APOOL: variants seen among roughly 807,000 people sequenced by gnomAD.
The protein encoded by APOOL is MICOS complex subunit MIC27.
In APOOL, 12 loss-of-function variants were observed where a neutral mutation model predicts 23.1. The ratio of observed to expected loss-of-function variants is 0.52; its 90% CI spans 0.33 to 0.84. APOOL has a LOEUF of 0.84. Among genes scored for constraint, APOOL ranks in the 40% least tolerant of loss-of-function variants. The probability of loss-of-function intolerance (pLI) is 0.02; values close to 1 mark genes in which losing one functional copy is unlikely to be tolerated. For synonymous variants in APOOL, 77 were observed against 69.9 expected (o/e 1.10, Z -0.51); for missense variants, 212 against 199.6 (o/e 1.06, Z -0.37).
intron 5 of APOOL, among the ~76,000 whole-genome samples, chrX:85,058,471 T>C (rs779615138): frequency 8.9e-6 from 1 of 111,892 alleles, no homozygotes; most frequent in East Asian, 2.8e-4. Flanking sequence ...ATCCAGTCTA[T>C]CATTGATGGA....
intron 8 of APOOL, among the ~76,000 whole-genome samples, chrX:85,076,754 G>T (rs1267990023): frequency 4.6e-5 from 5 of 109,005 alleles, no homozygotes; most frequent in Admixed American, 2.0e-4. Flanking sequence ...ATATGTTGTG[G>T]CTCTGAATAT....
chrX:85,067,783 T>G lies in APOOL; in HGVS notation c.486+565T>G, dbSNP rs934066441. On this transcript the variant is annotated intron_variant, in intron 6 of 8. Transcript: ENST00000373173. Reference sequence around the variant, plus strand: ...TACAAATCCAGATTCTCTTAATGATTTGAACAGTTTTTTTCAGTGTTTTAT... The same window carrying G: ...TACAAATCCAGATTCTCTTAATGATGTGAACAGTTTTTTTCAGTGTTTTAT... Among the ~76,000 whole-genome samples, 4 of 111,720 alleles carry G rather than the reference T, an allele frequency of 3.6e-5. No homozygotes were observed. In the Admixed American group the frequency reaches 3.8e-4, roughly 11 times the overall value.
At chrX:85,005,394 A>ACGC (rs1466980005) in intron 1 of APOOL, among the ~76,000 whole-genome samples, 3 of 2,599 alleles carry the variant, frequency 1.2e-3, no homozygotes, top group African/African-American at 3.5e-3. Context: ...CTCGTGATTC[A>ACGC]CCCCCCCCCC....
chrX:85,019,023 G>A (rs1156504389), intron 1 of APOOL, among the ~76,000 whole-genome samples: 1 of 110,822 alleles, frequency 9.0e-6, no homozygotes, highest in Non-Finnish European at 1.9e-5. Context: ...GTGGTCTTTG[G>A]TCGTGGTGGC....
In APOOL at chrX:85,036,526, C is replaced by T. The variant is rs977408557; in HGVS notation, c.16-9920C>T. On this transcript the variant is annotated intron_variant, in intron 1 of 8. Coordinates refer to ENST00000373173, the MANE Select transcript of APOOL (RefSeq NM_198450.6). The stretch of plus-strand genomic sequence containing the variant: ...ATATTGACTAGGCATGAAAAGAGTG[C>T]ACATCCTTGTCTTATTATAGTTGTC... Among the ~76,000 whole-genome samples, 5 of 111,002 alleles carry T rather than the reference C, an allele frequency of 4.5e-5. No homozygotes were observed. The East Asian group carries it at 1.4e-3, about 31-fold the overall frequency.
chrX:85,051,596 A>G lies in APOOL; in HGVS notation c.240+88A>G. 2.8e-6 allele frequency: 3 copies of G among 1,082,798 alleles called. No individual in the cohort carries two copies. The South Asian group carries it at 6.1e-5, about 22-fold the overall frequency. 89.2% of individuals were successfully genotyped at this position (1,082,798 alleles called of 1,213,427 possible). On this transcript the variant is annotated intron_variant, in intron 3 of 8. Coordinates refer to ENST00000373173, the MANE Select transcript of APOOL (RefSeq NM_198450.6). ...CTGATGTGTAGAAAACTAATCCAAAACTTAATGGCTTAAAACCACAACCAT... is the reference window on the plus strand; with the variant it reads ...CTGATGTGTAGAAAACTAATCCAAAGCTTAATGGCTTAAAACCACAACCAT...
At chrX:85,026,581 G>C (rs1921850973) in intron 1 of APOOL, among the ~76,000 whole-genome samples, 2 of 112,425 alleles carry the variant, frequency 1.8e-5, no homozygotes, top group Non-Finnish European at 3.8e-5. Flanking sequence ...TCATTTATTA[G>C]TTCTTGCATC....
intron 1 of APOOL, among the ~76,000 whole-genome samples, chrX:85,014,005 G>A (rs1394427310): frequency 2.7e-5 from 3 of 111,169 alleles, no homozygotes; most frequent in African/African-American, 9.8e-5. Flanking sequence ...TGGAGCTCCC[G>A]TGTTAGGTAC....
At chrX:85,081,137 G>A (rs1050521147) in intron 8 of APOOL, among the ~76,000 whole-genome samples, 3 of 111,597 alleles carry the variant, frequency 2.7e-5, no homozygotes, top group Admixed American at 9.5e-5. Flanking sequence ...CTGTCGTTAT[G>A]ATGTTAGCTG....
At chrX:85,016,263 C>T (rs67013307) in intron 1 of APOOL, among the ~76,000 whole-genome samples, 4,696 of 103,100 alleles carry the variant, frequency 0.046, 246 homozygotes, top group African/African-American at 0.15. Context: ...TCCTTTTGTA[C>T]CAACCTAATA....
At chrX:85,021,915 G>A (rs912085046) in intron 1 of APOOL, among the ~76,000 whole-genome samples, 1 of 111,857 alleles carries the variant, frequency 8.9e-6, no homozygotes, top group Non-Finnish European at 1.9e-5. Context: ...GAGACATTAC[G>A]AATGATACCA....
rs1015732641 is a variant in APOOL, at chrX:85,087,706, A to G, written c.*28A>G. 9.1e-7 allele frequency: 1 copy of G among 1,100,518 alleles called. No individual in the cohort carries two copies. The highest frequency in any genetic ancestry group is 1.2e-6 in the Non-Finnish European group (1 of 819,045). The allele number at this position is 1,100,518 out of a possible 1,213,427, so 90.7% of individuals were successfully genotyped here. A position where few individuals can be genotyped will look rare whatever the true frequency, so the allele number is the denominator to read the frequency against. ...TAGACTGCATGCAGAGACTACACAG[A>G]AAACTACAAGATGTGTGGCGTTGCA... is the stretch of plus-strand genomic sequence containing the variant. On this transcript the variant is annotated 3_prime_UTR_variant, in exon 9 of 9. Transcript: ENST00000373173.
At chrX:85,034,458 G>T (rs1569455186) in intron 1 of APOOL, among the ~76,000 whole-genome samples, 4 of 105,664 alleles carry the variant, frequency 3.8e-5, no homozygotes, top group Non-Finnish European at 5.9e-5. Flanking sequence ...GCACCTGTTT[G>T]TTTTTTTTTT....
intron 5 of APOOL, among the ~76,000 whole-genome samples, chrX:85,060,574 T>G (rs775811303): frequency 9.0e-6 from 1 of 110,668 alleles, no homozygotes. Flanking sequence ...GTTTGTAGTT[T>G]TCCTTGAAGA....
intron 1 of APOOL, among the ~76,000 whole-genome samples, chrX:85,035,434 T>G (rs992421174): frequency 9.0e-6 from 1 of 111,433 alleles, no homozygotes; most frequent in Non-Finnish European, 1.9e-5. Context: ...TCTTTTGCTG[T>G]GCACATGTTC....
chrX:85,065,586 T>C (rs1602782862), intron 5 of APOOL, among the ~76,000 whole-genome samples: 1 of 111,141 alleles, frequency 9.0e-6, no homozygotes, highest in Admixed American at 9.7e-5. Context: ...TATTTGCTTG[T>C]CAGGATGCAT....
At chrX:85,043,267 C>G (rs763596402) in intron 1 of APOOL, among the ~76,000 whole-genome samples, 3 of 111,460 alleles carry the variant, frequency 2.7e-5, no homozygotes, top group Non-Finnish European at 5.7e-5. Flanking sequence ...GGTCTTTCCT[C>G]TCGTGAAAAC....
At chrX:85,067,527 A>G (rs1245948338) in intron 6 of APOOL, among the ~76,000 whole-genome samples, 1 of 110,705 alleles carries the variant, frequency 9.0e-6, no homozygotes, top group Non-Finnish European at 1.9e-5. Flanking sequence ...ATTTTTATTT[A>G]AAAGAAGATT....
intron 8 of APOOL, among the ~76,000 whole-genome samples, chrX:85,086,400 G>A (rs1388069545): frequency 2.7e-5 from 3 of 111,496 alleles, no homozygotes; most frequent in African/African-American, 6.5e-5. Context: ...TTAATGATTC[G>A]TTTGTTTTCC....
Sources: gnomAD v4.1 joint callset for allele counts (sites outside exome capture counted in the v4.1 genomes callset) on GRCh38, gnomAD v4.1.1 for gene constraint, MANE v1.5 for transcripts, NCBI Gene and HGNC (gene_info 2026-07-23, HGNC 2026-07-21) for gene names.